The following MALRD1 variants were observed in gnomAD, a reference collection of about 807,000 sequenced individuals.
MALRD1 encodes the protein MAM and LDL-receptor class A domain-containing protein 1.
In MALRD1, 247 loss-of-function variants were observed where a neutral mutation model predicts 242.1. That is an observed-to-expected ratio of 1.02 (90% CI 0.92 to 1.13). MALRD1 has a LOEUF of 1.13. MALRD1 is among the 50% of genes most tolerant of loss of function. The pLI, the probability that MALRD1 is intolerant of heterozygous loss-of-function variation, is 0.00. For synonymous variants in MALRD1, 995 were observed against 866.6 expected (o/e 1.15, Z -2.60); for missense variants, 2,989 against 2,533.1 (o/e 1.18, Z -3.86).
chr10:19,083,264 C>A lies in MALRD1; in HGVS notation c.341-4576C>A, dbSNP rs1035324256. Among the ~76,000 whole-genome samples, 8 of 152,124 alleles carry A rather than the reference C, an allele frequency of 5.3e-5. No individual in the cohort carries two copies. The South Asian group carries it at 8.3e-4, about 16-fold the overall frequency. ...GGTGCACTTTCCATGCTCATCCAGG[C>A]AGCTGATAACTCTGCATTAGTTTCC... is the stretch of plus-strand genomic sequence containing the variant. On this transcript the variant is annotated intron_variant, in intron 2 of 39. Coordinates refer to ENST00000454679, the MANE Select transcript of MALRD1 (RefSeq NM_001142308.3).
At chr10:19,262,707 G>A (rs1332904330) in intron 19 of MALRD1, among the ~76,000 whole-genome samples, 3 of 148,808 alleles carry the variant, frequency 2.0e-5, no homozygotes, top group Non-Finnish European at 4.4e-5. Context: ...ATATTCAACT[G>A]TACAATATCT....
intron 24 of MALRD1, among the ~76,000 whole-genome samples, chr10:19,340,983 A>G (rs1843820660): frequency 6.6e-6 from 1 of 152,138 alleles, no homozygotes; most frequent in Admixed American, 6.6e-5. Context: ...CAATAATACA[A>G]AAAATTTTAC....
At chr10:19,139,131 T>C (rs1036623932) in intron 10 of MALRD1, among the ~76,000 whole-genome samples, 3 of 152,180 alleles carry the variant, frequency 2.0e-5, no homozygotes, top group Non-Finnish European at 4.4e-5. Flanking sequence ...CCAAAATGAG[T>C]GTTTCATGTA....
chr10:19,296,454 T>C (rs1471545305), intron 21 of MALRD1, among the ~76,000 whole-genome samples: 3 of 152,120 alleles, frequency 2.0e-5, no homozygotes, highest in Non-Finnish European at 2.9e-5. Context: ...TTTGGAAAAA[T>C]ATTGCTGTCT....
At chr10:19,278,443 GTCCATCCA>G (rs150208541) in intron 19 of MALRD1, among the ~76,000 whole-genome samples, 63 of 149,166 alleles carry the variant, frequency 4.2e-4, no homozygotes, top group Middle Eastern at 3.4e-3. Context: ...TCATTCATCT[GTCCATCCA>G]TCCATCCATC....
At chr10:19,229,593 G>C (rs116504607) in intron 18 of MALRD1, among the ~76,000 whole-genome samples, 1 of 151,940 alleles carries the variant, frequency 6.6e-6, no homozygotes, top group East Asian at 1.9e-4. Context: ...TCGTTTAGTC[G>C]CTTCCACCCA....
intron 29 of MALRD1, among the ~76,000 whole-genome samples, chr10:19,463,892 TTTTGATTA>T (rs1363760415): frequency 3.9e-5 from 6 of 152,158 alleles, no homozygotes; most frequent in African/African-American, 1.2e-4. Context: ...TTTTTTGATT[TTTTGATTA>T]TGGCCATTCT....
chr10:19,058,381 C>A (rs1013396116), intron 1 of MALRD1, among the ~76,000 whole-genome samples: 1 of 152,062 alleles, frequency 6.6e-6, no homozygotes, highest in South Asian at 2.1e-4. Context: ...ATATTAACAA[C>A]GAAGCCATAA....
At chr10:19,651,412 G>C (rs1194668502) in intron 36 of MALRD1, among the ~76,000 whole-genome samples, 1 of 152,062 alleles carries the variant, frequency 6.6e-6, no homozygotes, top group Non-Finnish European at 1.5e-5. Flanking sequence ...AATGATTTAA[G>C]GTAGGCCAAT....
intron 26 of MALRD1, among the ~76,000 whole-genome samples, chr10:19,362,539 A>G (rs557127970): frequency 1.3e-5 from 2 of 152,240 alleles, no homozygotes; most frequent in Non-Finnish European, 2.9e-5. Context: ...CATAGGAAGC[A>G]TCCCAGGTGA....
chr10:19,453,633 T>G (rs1835447121), intron 29 of MALRD1, among the ~76,000 whole-genome samples: 1 of 152,246 alleles, frequency 6.6e-6, no homozygotes, highest in East Asian at 1.9e-4. Flanking sequence ...TCCAGCACTT[T>G]GGGAGGCTGA....
rs138515079 is a variant in MALRD1, at chr10:19,733,843, A to G, written c.6391-314A>G. Among the ~76,000 whole-genome samples the G allele has an allele frequency of 5.3e-4, 81 of 152,168 alleles. 1 individual carries two copies. In the East Asian group the frequency reaches 0.014, roughly 26 times the overall value. On this transcript the variant is annotated intron_variant, in intron 39 of 39. Coordinates refer to ENST00000454679, the MANE Select transcript of MALRD1 (RefSeq NM_001142308.3). ...TGTTTTGTCTAACCTAACTATATTC[A>G]ATACAGAAGGCTTAGTGAAACCAGC...
At chr10:19,566,694 T>A (rs1358408059) in intron 32 of MALRD1, among the ~76,000 whole-genome samples, 1 of 151,112 alleles carries the variant, frequency 6.6e-6, no homozygotes, top group Non-Finnish European at 1.5e-5. Context: ...TATATATATA[T>A]ATCTGTATAT....
chr10:19,277,745 T>C (rs979801479), intron 19 of MALRD1, among the ~76,000 whole-genome samples: 2 of 152,220 alleles, frequency 1.3e-5, no homozygotes, highest in Non-Finnish European at 2.9e-5. Flanking sequence ...TAGGTCTTAA[T>C]TGCCTCTGCA....
At chr10:19,155,349 A>G (rs1028304890) in intron 12 of MALRD1, among the ~76,000 whole-genome samples, 177 bp downstream of exon 12, 3 of 152,208 alleles carry the variant, frequency 2.0e-5, no homozygotes, top group African/African-American at 7.2e-5. Flanking sequence ...CATTTGTAAC[A>G]CATAACTGGC....
chr10:19,516,381 A>G (rs1268957373), intron 31 of MALRD1, among the ~76,000 whole-genome samples: 1 of 152,224 alleles, frequency 6.6e-6, no homozygotes, highest in Non-Finnish European at 1.5e-5. Context: ...CATAACATAT[A>G]GACAATTAGA....
At chr10:19,365,613 T>C (rs1360369190) in intron 26 of MALRD1, among the ~76,000 whole-genome samples, 2 of 148,710 alleles carry the variant, frequency 1.3e-5, no homozygotes, top group Non-Finnish European at 3.0e-5. Flanking sequence ...CTGTTTGAGA[T>C]TCATTAAGAT....
intron 18 of MALRD1, among the ~76,000 whole-genome samples, chr10:19,212,737 C>T (rs1373786685): frequency 2.0e-5 from 3 of 152,130 alleles, no homozygotes; most frequent in Non-Finnish European, 4.4e-5. Flanking sequence ...AGCTTCTCCA[C>T]ATCCAAGCCA....
At chr10:19,194,898 A>G (rs1289140115) in intron 14 of MALRD1, among the ~76,000 whole-genome samples, 1 of 152,134 alleles carries the variant, frequency 6.6e-6, no homozygotes, top group Non-Finnish European at 1.5e-5. Context: ...ACAGTAGTCC[A>G]CCCTTATCTG....
Sources: gnomAD v4.1 joint callset for allele counts (sites outside exome capture counted in the v4.1 genomes callset) on GRCh38, gnomAD v4.1.1 for gene constraint, MANE v1.5 for transcripts, NCBI Gene and HGNC (gene_info 2026-07-23, HGNC 2026-07-21) for gene names.